Variants in SLC51A observed in about 807,000 individuals in gnomAD.
SLC51A encodes the protein organic solute transporter subunit alpha.
A neutral mutation model predicts 34.8 loss-of-function variants in SLC51A; 22 were observed. That is an observed-to-expected ratio of 0.63 (90% CI 0.45 to 0.90). The LOEUF (loss-of-function observed/expected upper bound fraction) is 0.90, where lower values mean the gene tolerates loss of function less well. Ranked by LOEUF, SLC51A falls within the 40% of genes least tolerant of loss-of-function variation. SLC51A has a pLI of 0.00. For missense variants in SLC51A, 371 were observed against 414.8 expected, an observed-to-expected ratio of 0.89 and a Z score of 0.92; for synonymous variants, 181 against 176.3, an observed-to-expected ratio of 1.03 and a Z score of -0.21.
At chr3:196,229,868 A>C in intron 6 of SLC51A, 47 bp from the exon 7 acceptor site, 1 of 1,556,072 alleles carries the variant, frequency 6.4e-7, no homozygotes, top group Non-Finnish European at 8.7e-7. Context: ...AGAGAGAGAG[A>C]GAGAGAGAGC....
intron 2 of SLC51A, among the ~76,000 whole-genome samples, chr3:196,219,228 T>A (rs1392311611): frequency 6.7e-6 from 1 of 150,118 alleles, no homozygotes; most frequent in East Asian, 1.9e-4. Context: ...AGACTCCGTC[T>A]CAAAAATAAA....
At chr3:196,232,591 G>A (rs758459080) in intron 8 of SLC51A, 67 bp downstream of exon 8, 25 of 1,308,786 alleles carry the variant, frequency 1.9e-5, no homozygotes, top group Non-Finnish European at 2.5e-5. Flanking sequence ...GAAAGAAGGG[G>A]CCCCAGAACA....
At chr3:196,220,214 G>C (rs1010645521) in intron 2 of SLC51A, among the ~76,000 whole-genome samples, 5 of 152,238 alleles carry the variant, frequency 3.3e-5, no homozygotes, top group Admixed American at 3.3e-4. Flanking sequence ...AGCTCGTGAA[G>C]GCTCTGAGGC....
At chr3:196,219,116 C>T (rs564357461) in intron 2 of SLC51A, among the ~76,000 whole-genome samples, 26 of 152,262 alleles carry the variant, frequency 1.7e-4, no homozygotes, top group Middle Eastern at 6.8e-3. Flanking sequence ...ATCCCAGCTA[C>T]TCGGGAGGCT....
Position 196,216,604 on chromosome 3 carries a change from G to T in SLC51A, c.-109G>T. 1 of 1,104,072 alleles carries T rather than the reference G, an allele frequency of 9.1e-7. No individual in the cohort carries two copies. The allele number at this position is 1,104,072 out of a possible 1,614,324, so 68.4% of individuals were successfully genotyped here. A position where few individuals can be genotyped will look rare whatever the true frequency, so the allele number is the denominator to read the frequency against. ...AGGGGAAGACTCTGCAATTCTGCTT[G>T]CCCCCCACCCCGGCCCAGGCAAGCC... On this transcript the variant is annotated 5_prime_UTR_variant, in exon 1 of 9. Coordinates refer to ENST00000296327, the MANE Select transcript of SLC51A (RefSeq NM_152672.6). The surrounding 1 kb of genome is among the most constrained non-coding windows in gnomAD (Gnocchi z 4.5).
Position 196,216,731 on chromosome 3 carries a change from C to A in SLC51A, c.19C>A (p.Gln7Lys). Reference protein sequence around the residue: MEPGRTQIKLDPRYTAD... With the variant: MEPGRTKIKLDPRYTAD... Reference sequence around the variant, plus strand: ...CGCGGCGATGGAGCCGGGCAGGACCCAGATAAAGCTTGACCCCAGGTAAGT... The same window carrying A: ...CGCGGCGATGGAGCCGGGCAGGACCAAGATAAAGCTTGACCCCAGGTAAGT... Residue 7 changes from glutamine (Q) to lysine (K), a missense_variant, in exon 1 of 9, where the codon CAG becomes AAG. Gln to Lys is a moderately conservative substitution (Grantham distance 53). Transcript: ENST00000296327. The surrounding 1 kb of genome is among the most constrained non-coding windows in gnomAD (Gnocchi z 4.5). 1 of 1,577,998 alleles carries A rather than the reference C, an allele frequency of 6.3e-7. No individual in the cohort carries two copies. Among genetic ancestry groups the A allele is most frequent in the East Asian group, 2.3e-5 (1 of 42,962 alleles).
Position 196,228,100 on chromosome 3 carries a change from C to A in SLC51A, c.363-15C>A, listed in dbSNP as rs369802517. ...GGCAGCAGACCTCGTAGGCCCTCTT[C>A]TCTCCCCACCCCAGGTTTTATGCCG... is the stretch of plus-strand genomic sequence containing the variant. On this transcript the variant is annotated splice_polypyrimidine_tract_variant and intron_variant, in intron 4 of 8. Transcript: ENST00000296327. The surrounding 1 kb of genome is among the most constrained non-coding windows in gnomAD (Gnocchi z 4.9). The A allele has an allele frequency of 3.7e-5, 60 of 1,609,156 alleles. No homozygotes were observed. Among genetic ancestry groups the A allele is most frequent in the Non-Finnish European group, 4.9e-5 (58 of 1,177,164 alleles).
rs1723965094 is a variant in SLC51A at position 196,228,941 on chromosome 3, A to G, written c.633+21A>G. 1.3e-6 allele frequency: 2 copies of G among 1,568,306 alleles called. No homozygotes were observed. The highest frequency in any genetic ancestry group is 1.8e-6 in the Non-Finnish European group (2 of 1,138,112). On this transcript the variant is annotated intron_variant, in intron 6 of 8. Transcript: ENST00000296327. This position sits in a 1 kb window ranked among gnomAD's most constrained non-coding sequence, Gnocchi z 4.9. Reference sequence around the variant, plus strand: ...CAGACGTAAGCCGGGAGTAAGGGACAGCACAGTCCAAGACTCATTTAGTAC... The same window carrying G: ...CAGACGTAAGCCGGGAGTAAGGGACGGCACAGTCCAAGACTCATTTAGTAC...
rs1479780569 is a variant in SLC51A, at chr3:196,224,672, G to A, written c.134-2293G>A. Among the ~76,000 whole-genome samples, 11 of 128,998 alleles carry A rather than the reference G, an allele frequency of 8.5e-5. No homozygotes were observed. The South Asian group carries it at 9.1e-4, about 11-fold the overall frequency. The allele number at this position is 128,998 out of a possible 152,430, so 84.6% of individuals were successfully genotyped here. ...GCCTGTGCGACAAGAGTGAAACTTC[G>A]TTGAAAGAAGAGAAGGGGGCGGGGC... On this transcript the variant is annotated intron_variant, in intron 2 of 8. Transcript: ENST00000296327.
chr3:196,217,810 A>G, intron 1 of SLC51A, 32 bp from the exon 2 acceptor site: 1 of 1,600,816 alleles, frequency 6.2e-7, no homozygotes. Flanking sequence ...CCCAGCCCCC[A>G]TGGTTCTGAG....
rs1300002521 is a variant in SLC51A, at chr3:196,227,034, T to G, written c.203T>G (p.Phe68Cys). The change falls in exon 3 of 9, where the codon TTC becomes TGC. Residue 68 changes from phenylalanine (F) to cysteine (C), a missense_variant. Phe to Cys is a radical substitution (Grantham distance 205). Transcript: ENST00000296327. Reference protein sequence around the residue: ...TLLALGSIAIFLEDAVYLYKN... With the variant: ...TLLALGSIAICLEDAVYLYKN... The stretch of plus-strand genomic sequence containing the variant: ...CTGGCGCTGGGCTCCATTGCCATCT[T>G]CCTGGAGGATGCCGTCTACCTGTAC... The G allele has an allele frequency of 1.9e-6, 3 of 1,614,102 alleles. No homozygotes were observed. In the Admixed American group the frequency reaches 5.0e-5, roughly 27 times the overall value.
At chr3:196,219,803 G>A (rs1157002438) in intron 2 of SLC51A, among the ~76,000 whole-genome samples, 3 of 152,242 alleles carry the variant, frequency 2.0e-5, no homozygotes, top group Admixed American at 6.5e-5. Flanking sequence ...TACAGGGCAC[G>A]GGAAGAGCCC....
rs780006859 is a variant in SLC51A, at chr3:196,228,890, C to T, written c.603C>T (p.Leu201=). The part of the protein sequence containing the change: ...KITLTLVGLF[L]VPDGIYDPAD... ...CGCTGACCCTGGTGGGCCTGTTTCTCGTCCCCGACGGCATCTATGACCCAG... is the reference window on the plus strand; with the variant it reads ...CGCTGACCCTGGTGGGCCTGTTTCTTGTCCCCGACGGCATCTATGACCCAG... Residue 201 remains leucine, a synonymous_variant, in exon 6 of 9, where the codon CTC becomes CTT. Transcript: ENST00000296327. The surrounding 1 kb of genome is among the most constrained non-coding windows in gnomAD (Gnocchi z 4.9). 37 of 1,614,032 alleles carry T rather than the reference C, an allele frequency of 2.3e-5. No homozygotes were observed. The African/African-American group carries it at 3.6e-4, about 16-fold the overall frequency.
chr3:196,233,325 A>T lies in SLC51A; in HGVS notation c.*126A>T, dbSNP rs1165963850. On this transcript the variant is annotated 3_prime_UTR_variant, in exon 9 of 9. Coordinates refer to ENST00000296327, the MANE Select transcript of SLC51A (RefSeq NM_152672.6). ...CAACACAAGCTGGCAGATACATTTG[A>T]CTCTACAGATGAAGGTGAACAATGT... 4 of 1,066,978 alleles carry T rather than the reference A, an allele frequency of 3.7e-6. No homozygotes were observed. Among genetic ancestry groups the T allele is most frequent in the Non-Finnish European group, 5.4e-6 (4 of 734,804 alleles). 66.1% of individuals were successfully genotyped at this position (1,066,978 alleles called of 1,614,324 possible).
rs1449784593 is a variant in SLC51A, at chr3:196,216,581, G to A, written c.-132G>A. ...AGCTCAAGGAGGGAGAGCGGCAGAG[G>A]GGAAGACTCTGCAATTCTGCTTGCC... On this transcript the variant is annotated 5_prime_UTR_variant, in exon 1 of 9. Coordinates refer to ENST00000296327, the MANE Select transcript of SLC51A (RefSeq NM_152672.6). This position sits in a 1 kb window ranked among gnomAD's most constrained non-coding sequence, Gnocchi z 4.5. The A allele has an allele frequency of 4.4e-6, 4 of 905,468 alleles. No individual in the cohort carries two copies. The East Asian group carries it at 1.1e-4, about 24-fold the overall frequency. 56.1% of individuals were successfully genotyped at this position (905,468 alleles called of 1,614,324 possible).
Position 196,216,721 on chromosome 3 carries a change from G to A in SLC51A, c.9G>A (p.Pro3=), listed in dbSNP as rs148913870. 156 of 1,575,280 alleles carry A rather than the reference G, an allele frequency of 9.9e-5. 1 individual carries two copies. The African/African-American group carries it at 1.4e-3, about 15-fold the overall frequency. The change falls in exon 1 of 9, where the codon CCG becomes CCA. Residue 3 remains proline (P), a synonymous_variant. Transcript: ENST00000296327. The surrounding 1 kb of genome is among the most constrained non-coding windows in gnomAD (Gnocchi z 4.5). The part of the protein sequence containing the change: ME[P]GRTQIKLDPR... The stretch of plus-strand genomic sequence containing the variant: ...CTGGAGAGAACGCGGCGATGGAGCC[G>A]GGCAGGACCCAGATAAAGCTTGACC...
chr3:196,230,251 G>T (rs921836581), intron 7 of SLC51A, among the ~76,000 whole-genome samples, 190 bp downstream of exon 7: 1 of 152,148 alleles, frequency 6.6e-6, no homozygotes, highest in African/African-American at 2.4e-5. Context: ...TGTTTCCCAG[G>T]GCTGCCATGA....
At chr3:196,221,974 T>C (rs1250462701) in intron 2 of SLC51A, among the ~76,000 whole-genome samples, 2 of 152,118 alleles carry the variant, frequency 1.3e-5, no homozygotes, top group African/African-American at 4.8e-5. Context: ...CGCCTCGGCC[T>C]CCCAATGTGC....
chr3:196,223,671 G>A (rs187187779), intron 2 of SLC51A, among the ~76,000 whole-genome samples: 1 of 150,274 alleles, frequency 6.7e-6, no homozygotes, highest in Admixed American at 6.7e-5. Context: ...TTCCTATCTG[G>A]ACTTTGCCTA....
Sources: allele counts gnomAD v4.1 joint callset (sites outside exome capture counted in the v4.1 genomes callset), GRCh38; gene constraint gnomAD v4.1.1; non-coding constraint Gnocchi (gnomAD v3.1); transcripts MANE v1.5; gene names NCBI Gene and HGNC (gene_info 2026-07-23, HGNC 2026-07-21).